Variants in FHOD3 observed in about 807,000 individuals in gnomAD.
FHOD3 encodes formin homology 2 domain containing 3.
Under a neutral mutation model 173.0 loss-of-function variants are expected in FHOD3, and 90 were observed. The observed-to-expected ratio is 0.52, with a 90% CI of 0.44 to 0.62. The LOEUF (loss-of-function observed/expected upper bound fraction) is 0.62. Ranked by LOEUF, FHOD3 falls within the 20% of genes least tolerant of loss-of-function variation. FHOD3 has a pLI of 0.00. For synonymous variants in FHOD3, 828 were observed against 823.0 expected, an observed-to-expected ratio of 1.01 and a Z score of -0.10; for missense variants, 1,945 against 2,034.7, an observed-to-expected ratio of 0.96 and a Z score of 0.85.
rs2145076371 is a variant in FHOD3 at position 36,325,604 on chromosome 18, G to C, written c.165+27604G>C. On this transcript the variant is annotated intron_variant, in intron 1 of 28. Coordinates refer to ENST00000590592, the MANE Select transcript of FHOD3 (RefSeq NM_001281740.3). The stretch of plus-strand genomic sequence containing the variant: ...AGATGCACTAGAGCTCCACCATCTT[G>C]CTTTATCCATAATAGATGGTGCTAG... Among the ~76,000 whole-genome samples, 2 of 152,292 alleles carry C rather than the reference G, an allele frequency of 1.3e-5. 1 individual carries two copies. Among genetic ancestry groups the C allele is most frequent in the South Asian group, 4.1e-4 (2 of 4,822 alleles).
intron 27 of FHOD3, among the ~76,000 whole-genome samples, chr18:36,768,995 A>C (rs9958203): frequency 6.6e-6 from 1 of 152,068 alleles, no homozygotes; most frequent in South Asian, 2.1e-4. Flanking sequence ...GAGACAAGAT[A>C]CACAGCTGTG....
chr18:36,321,180 A>G (rs186799499), intron 1 of FHOD3, among the ~76,000 whole-genome samples: 1 of 151,814 alleles, frequency 6.6e-6, no homozygotes, highest in Non-Finnish European at 1.5e-5. Context: ...GTGGTTCTGC[A>G]TCGTTCTTCT....
intron 17 of FHOD3, among the ~76,000 whole-genome samples, chr18:36,697,673 C>G (rs2039363380): frequency 1.3e-5 from 2 of 152,154 alleles, no homozygotes; most frequent in African/African-American, 2.4e-5. Context: ...GGCCTACTCA[C>G]CAGCAGACAT....
At chr18:36,685,780 G>A (rs1428912803) in intron 15 of FHOD3, among the ~76,000 whole-genome samples, 4 of 152,190 alleles carry the variant, frequency 2.6e-5, no homozygotes, top group East Asian at 1.9e-4. Flanking sequence ...CTCCAAGAAA[G>A]TAAACAGTCC....
intron 3 of FHOD3, among the ~76,000 whole-genome samples, chr18:36,470,342 C>T (rs138010983): frequency 6.6e-6 from 1 of 152,166 alleles, no homozygotes. Flanking sequence ...GCCTCAGTTT[C>T]CCCAGATGTA....
At chr18:36,577,364 A>ATGATCTCAGCTCCCTGC (rs2058694546) in intron 6 of FHOD3, among the ~76,000 whole-genome samples, 1 of 152,136 alleles carries the variant, frequency 6.6e-6, no homozygotes, top group African/African-American at 2.4e-5. Context: ...GTACAGTAGC[A>ATGATCTCAGCTCCCTGC]TGATCTCAGC....
intron 16 of FHOD3, among the ~76,000 whole-genome samples, chr18:36,692,821 C>T (rs72897593): frequency 6.6e-6 from 1 of 152,302 alleles, no homozygotes; most frequent in Non-Finnish European, 1.5e-5. Flanking sequence ...CCAAGGCACC[C>T]ACCCATTTCA....
intron 3 of FHOD3, among the ~76,000 whole-genome samples, chr18:36,499,251 G>T (rs556739209): frequency 7.0e-4 from 106 of 152,258 alleles, no homozygotes; most frequent in African/African-American, 2.3e-3. Flanking sequence ...TTACAGGCAT[G>T]TGCCACCATG....
intron 2 of FHOD3, among the ~76,000 whole-genome samples, chr18:36,371,087 A>T (rs1176818115): frequency 6.6e-6 from 1 of 152,198 alleles, no homozygotes; most frequent in Non-Finnish European, 1.5e-5. Context: ...GCTTCTTGAG[A>T]CTAATGGCTT....
chr18:36,323,193 C>G (rs2044491928), intron 1 of FHOD3, among the ~76,000 whole-genome samples: 1 of 152,174 alleles, frequency 6.6e-6, no homozygotes, highest in South Asian at 2.1e-4. Context: ...TGCTCCTCCT[C>G]TGTGTGTTAT....
intron 1 of FHOD3, among the ~76,000 whole-genome samples, chr18:36,318,478 C>T (rs1184789910): frequency 6.6e-6 from 1 of 152,128 alleles, no homozygotes; most frequent in African/African-American, 2.4e-5. Context: ...ATTGTATTCT[C>T]TTTGTAGTAA....
At chr18:36,454,330 T>G (rs907182781) in intron 3 of FHOD3, among the ~76,000 whole-genome samples, 4 of 151,962 alleles carry the variant, frequency 2.6e-5, no homozygotes, top group Admixed American at 2.6e-4. Context: ...TATGGGGTTG[T>G]GCACACATGA....
At chr18:36,466,159 T>C (rs886292294) in intron 3 of FHOD3, among the ~76,000 whole-genome samples, 3 of 152,158 alleles carry the variant, frequency 2.0e-5, no homozygotes, top group African/African-American at 7.2e-5. Context: ...CTTCAGTCCA[T>C]GTTATCCCAG....
chr18:36,471,066 C>A (rs537766600), intron 3 of FHOD3, among the ~76,000 whole-genome samples: 1 of 152,312 alleles, frequency 6.6e-6, no homozygotes, highest in South Asian at 2.1e-4. Flanking sequence ...ATCGCAGTGT[C>A]CCAGAGTTAA....
intron 10 of FHOD3, among the ~76,000 whole-genome samples, chr18:36,630,402 A>T (rs2034429577): frequency 6.6e-6 from 1 of 152,184 alleles, no homozygotes; most frequent in African/African-American, 2.4e-5. Context: ...CGTTTAGCAA[A>T]GTTTCACGCT....
intron 5 of FHOD3, among the ~76,000 whole-genome samples, chr18:36,533,783 G>A (rs1209481024): frequency 6.6e-6 from 1 of 152,186 alleles, no homozygotes; most frequent in East Asian, 1.9e-4. Context: ...GAGGCTCCCC[G>A]AGGTATGTTT....
At chr18:36,391,233 C>T (rs75957779) in intron 3 of FHOD3, among the ~76,000 whole-genome samples, 10 of 152,240 alleles carry the variant, frequency 6.6e-5, no homozygotes, top group African/African-American at 2.4e-4. Flanking sequence ...CATGGAGGGA[C>T]CATAGGGGCA....
intron 3 of FHOD3, among the ~76,000 whole-genome samples, chr18:36,436,847 G>T (rs976403274): frequency 6.6e-6 from 1 of 152,054 alleles, no homozygotes; most frequent in African/African-American, 2.4e-5. Flanking sequence ...GAAAATTAAT[G>T]TTCTGAGCTT....
chr18:36,440,341 C>G (rs1712880989), intron 3 of FHOD3, among the ~76,000 whole-genome samples: 1 of 152,234 alleles, frequency 6.6e-6, no homozygotes, highest in Admixed American at 6.5e-5. Flanking sequence ...CCACATCCGC[C>G]TGGGGAGAGC....
Sources: gnomAD v4.1 joint callset for allele counts (sites outside exome capture counted in the v4.1 genomes callset) on GRCh38, gnomAD v4.1.1 for gene constraint, MANE v1.5 for transcripts, NCBI Gene and HGNC (gene_info 2026-07-23, HGNC 2026-07-21) for gene names.